The following DOCK8 variants were observed in gnomAD, a reference collection of about 807,000 sequenced individuals.
DOCK8 encodes the protein dedicator of cytokinesis 8.
In DOCK8, 141 loss-of-function variants were observed where a neutral mutation model predicts 245.6. That is an observed-to-expected ratio of 0.57 (90% confidence interval 0.50 to 0.66). The LOEUF (loss-of-function observed/expected upper bound fraction) is 0.66. DOCK8 is among the 30% of genes least tolerant of loss of function. The pLI is 0.00. For synonymous variants in DOCK8, 1,168 were observed against 970.2 expected, an observed-to-expected ratio of 1.20 and a Z score of -3.79; for missense variants, 2,965 against 2,603.4, an observed-to-expected ratio of 1.14 and a Z score of -3.02.
At chr9:312,849 CTCTGCGT>C in intron 6 of DOCK8, 16 of 189,868 alleles carry the variant, frequency 8.4e-5, no homozygotes, top group South Asian at 4.1e-4. Context: ...CAGTTTTCCC[CTCTGCGT>C]GAGGTTATCT....
chr9:420,334 A>G, intron 30 of DOCK8, 67 bp from the exon 31 acceptor site: 3 of 1,565,316 alleles, frequency 1.9e-6, no homozygotes, highest in Non-Finnish European at 2.6e-6. Context: ...CTTGACTGTT[A>G]AGCCTCAAAT....
At chr9:406,893 C>T in intron 27 of DOCK8, 37 bp from the exon 28 acceptor site, 1 of 1,613,908 alleles carries the variant, frequency 6.2e-7, no homozygotes, top group Non-Finnish European at 8.5e-7. Flanking sequence ...CATTCCAGTT[C>T]TTGTGGCTCA....
rs187298433 is a variant in DOCK8, at chr9:232,376, G to A, written c.53+17347G>A. Reference sequence around the variant, plus strand: ...AATTCTCTTTTTTGGTTGTGTCTCTGCCAGGCTTTGGTATCAGGATGATGC... The same window carrying A: ...AATTCTCTTTTTTGGTTGTGTCTCTACCAGGCTTTGGTATCAGGATGATGC... On this transcript the variant is annotated intron_variant, in intron 1 of 47. Transcript: ENST00000432829. Among the ~76,000 whole-genome samples, 543 of 152,224 alleles carry A rather than the reference G, an allele frequency of 3.6e-3. 1 individual carries two copies. The highest frequency in any genetic ancestry group is 0.013 in the South Asian group (61 of 4,822).
chr9:245,300 GT>G (rs2047482330), intron 1 of DOCK8, among the ~76,000 whole-genome samples: 1 of 152,148 alleles, frequency 6.6e-6, no homozygotes, highest in African/African-American at 2.4e-5. Context: ...CACCTCCTGA[GT>G]TCAAGTGATT....
chr9:347,078 C>T (rs533698919), intron 14 of DOCK8, among the ~76,000 whole-genome samples: 200 of 152,248 alleles, frequency 1.3e-3, no homozygotes, highest in African/African-American at 4.4e-3. Flanking sequence ...TGAAGACTCC[C>T]ATTCAGGTGG....
At chr9:273,156 G>A (rs939817286) in intron 2 of DOCK8, 49 of 959,570 alleles carry the variant, frequency 5.1e-5, no homozygotes, top group Admixed American at 7.8e-5. Flanking sequence ...TGTGTGTTGC[G>A]TCATTAATGA....
At chr9:268,972 G>A (rs1201039341) in intron 1 of DOCK8, among the ~76,000 whole-genome samples, 1 of 152,158 alleles carries the variant, frequency 6.6e-6, no homozygotes, top group South Asian at 2.1e-4. Flanking sequence ...GACAAAATCT[G>A]AGGTTATTCT....
In DOCK8 at chr9:401,940, G is replaced by A. The variant is rs186105555; in HGVS notation, c.3234+2681G>A. On this transcript the variant is annotated intron_variant, in intron 26 of 47. Coordinates refer to ENST00000432829, the MANE Select transcript of DOCK8 (RefSeq NM_203447.4). ...TGCACCCTGACCCCTGCCCTGCAGC[G>A]GATCTTCTGTCCCAGGACCCACCAG... Among the ~76,000 whole-genome samples, 17 of 152,246 alleles carry A rather than the reference G, an allele frequency of 1.1e-4. No individual in the cohort carries two copies. In the East Asian group the frequency reaches 2.1e-3, roughly 19 times the overall value.
intron 19 of DOCK8, among the ~76,000 whole-genome samples, chr9:376,551 A>G (rs576308780): frequency 2.8e-4 from 43 of 152,178 alleles, no homozygotes; most frequent in African/African-American, 1.0e-3. Context: ...GAAACTTTGC[A>G]GGGGGACTTG....
chr9:241,348 C>A (rs886550471), intron 1 of DOCK8, among the ~76,000 whole-genome samples: 29 of 152,142 alleles, frequency 1.9e-4, no homozygotes, highest in African/African-American at 7.0e-4. Context: ...GCTGTAATTT[C>A]GTATCCCTTA....
intron 1 of DOCK8, 79 bp downstream of exon 1, chr9:215,108 C>T (rs756122514): frequency 6.7e-7 from 1 of 1,502,814 alleles, no homozygotes; most frequent in Non-Finnish European, 8.8e-7. Flanking sequence ...CTGCAGGGGC[C>T]GAGGCCGGAC....
intron 26 of DOCK8, among the ~76,000 whole-genome samples, chr9:400,946 ATCACCACCACCACCACCACCT>A (rs2131481385): frequency 8.2e-6 from 1 of 121,976 alleles, no homozygotes; most frequent in South Asian, 2.8e-4. Context: ...CACCACCACC[ATCACCACCACCACCACCACCT>A]CCTCCACCAT....
rs1259997755 is a variant in DOCK8, at chr9:400,215, TATCACCACCACCTCCACC to T, written c.3234+1004_3234+1021del. On this transcript the variant is annotated intron_variant, in intron 26 of 47. Transcript: ENST00000432829. ...CCATCACCATCACCACCACCTCCAC[TATCACCACCACCTCCACC>T]ATCACCACCACCTCCACCATCACCA... Among the ~76,000 whole-genome samples the T allele has an allele frequency of 3.7e-3, 54 of 14,772 alleles. 1 individual carries two copies. Among genetic ancestry groups the T allele is most frequent in the East Asian group, 0.013 (5 of 386 alleles). The allele number at this position is 14,772 out of a possible 152,430, so 9.7% of individuals were successfully genotyped here.
intron 24 of DOCK8, among the ~76,000 whole-genome samples, chr9:392,054 C>T (rs1341113971): frequency 2.0e-5 from 3 of 150,676 alleles, no homozygotes; most frequent in Non-Finnish European, 3.0e-5. Context: ...AGGAGAATTG[C>T]TTGAACCTGG....
intron 7 of DOCK8, among the ~76,000 whole-genome samples, chr9:317,662 C>T (rs942794257): frequency 6.6e-6 from 1 of 152,174 alleles, no homozygotes; most frequent in Non-Finnish European, 1.5e-5. Context: ...AAACTCAGTG[C>T]CAGGGGACAA....
chr9:301,383 A>G (rs1200581083), intron 4 of DOCK8, among the ~76,000 whole-genome samples: 1 of 152,228 alleles, frequency 6.6e-6, no homozygotes, highest in Admixed American at 6.5e-5. Context: ...ATCCACAGCC[A>G]ACATCATACT....
At chr9:384,857 A>C (rs955387930) in intron 22 of DOCK8, among the ~76,000 whole-genome samples, 6 of 152,204 alleles carry the variant, frequency 3.9e-5, no homozygotes, top group African/African-American at 1.4e-4. Flanking sequence ...CGGAGCTTGC[A>C]GTAAGCCAAG....
Position 336,726 on chromosome 9 carries a change from T to C in DOCK8, c.1422+8T>C. The C allele has an allele frequency of 1.2e-6, 2 of 1,613,928 alleles. No individual in the cohort carries two copies. The highest frequency in any genetic ancestry group is 1.7e-6 in the Non-Finnish European group (2 of 1,179,874). ...AGCAGCTTTTTCAAGCAGGTATCTC[T>C]TCACATTACAGTGTGTCTGGATTTT... On this transcript the variant is annotated splice_region_variant and intron_variant, in intron 12 of 47. Transcript: ENST00000432829.
At chr9:286,286 T>C (rs1449665103) in intron 2 of DOCK8, among the ~76,000 whole-genome samples, 175 bp from the exon 3 acceptor site, 1 of 152,206 alleles carries the variant, frequency 6.6e-6, no homozygotes, top group Non-Finnish European at 1.5e-5. Flanking sequence ...GCTGCATTTT[T>C]TTCCATATCA....
Sources: allele counts gnomAD v4.1 joint callset (sites outside exome capture counted in the v4.1 genomes callset), GRCh38; gene constraint gnomAD v4.1.1; transcripts MANE v1.5; gene names NCBI Gene and HGNC (gene_info 2026-07-23, HGNC 2026-07-21).